The following ANO1 variants were observed in gnomAD, a reference collection of about 807,000 sequenced individuals.
ANO1 encodes anoctamin 1.
Under a neutral mutation model 124.0 loss-of-function variants are expected in ANO1, and 59 were observed. The observed-to-expected ratio is 0.48, with a 90% confidence interval of 0.39 to 0.59. ANO1 has a LOEUF of 0.59. Among genes scored for constraint, ANO1 ranks in the 20% least tolerant of loss-of-function variants. The probability of loss-of-function intolerance (pLI) is 0.00; values close to 1 mark genes in which losing one functional copy is unlikely to be tolerated. For missense variants in ANO1, 1,059 were observed against 1,328.0 expected, an observed-to-expected ratio of 0.80 and a Z score of 3.15; for synonymous variants, 529 against 532.0, an observed-to-expected ratio of 0.99 and a Z score of 0.08.
intron 24 of ANO1, among the ~76,000 whole-genome samples, chr11:70,183,006 G>A (rs1392660176): frequency 1.3e-5 from 2 of 152,150 alleles, no homozygotes; most frequent in Admixed American, 6.6e-5. Context: ...CTACTCGGGA[G>A]GCTGAGGTGG....
chr11:69,978,639 C>T, the ANO1 span, among the ~76,000 whole-genome samples: 1 of 152,168 alleles, frequency 6.6e-6, no homozygotes, highest in South Asian at 2.1e-4. Context: ...GTGTAAGCTA[C>T]CGCACCCTGC....
intron 2 of ANO1, among the ~76,000 whole-genome samples, chr11:70,099,163 G>A (rs1252171258): frequency 2.6e-5 from 4 of 152,260 alleles, no homozygotes; most frequent in Admixed American, 2.0e-4. Context: ...GCCAAGAGTC[G>A]GGGCAGAATG....
chr11:70,182,837 A>G (rs1434849187), intron 24 of ANO1, among the ~76,000 whole-genome samples, 151 bp downstream of exon 24: 1 of 151,984 alleles, frequency 6.6e-6, no homozygotes, highest in Non-Finnish European at 1.5e-5. Flanking sequence ...AGGCTGGTGC[A>G]GTGGCTCACA....
intron 1 of ANO1, among the ~76,000 whole-genome samples, chr11:70,046,912 A>G (rs1334318314): frequency 1.3e-5 from 2 of 151,922 alleles, no homozygotes; most frequent in African/African-American, 4.8e-5. Flanking sequence ...TGTCTCTACT[A>G]AAAATACAAA....
chr11:70,081,426 C>T (rs1193327397), intron 1 of ANO1, among the ~76,000 whole-genome samples: 1 of 152,154 alleles, frequency 6.6e-6, no homozygotes, highest in Non-Finnish European at 1.5e-5. Flanking sequence ...GAACGTGCCC[C>T]ATAATCGTAC....
At chr11:70,012,237 C>CA (rs1314368143) in intron 1 of ANO1, among the ~76,000 whole-genome samples, 36 of 147,190 alleles carry the variant, frequency 2.4e-4, no homozygotes, top group Admixed American at 2.7e-4. Flanking sequence ...TATTCATTCA[C>CA]ACATTCATCC....
At chr11:69,973,199 G>A in the ANO1 span, among the ~76,000 whole-genome samples, 3 of 152,034 alleles carry the variant, frequency 2.0e-5, no homozygotes, top group African/African-American at 4.8e-5. Flanking sequence ...GTGAGCCACC[G>A]CGCCCAGCTC....
chr11:70,161,222 C>CT lies in ANO1; in HGVS notation c.1640_1641insT (p.Ala549GlyfsTer55). ...ATCTACAGAATCTCCATGGCCGCCGCCTTGGCCATGAACTCCTCCCCCTCC... is the reference window on the plus strand; with the variant it reads ...ATCTACAGAATCTCCATGGCCGCCGCTCTTGGCCATGAACTCCTCCCCCTCC... On this transcript the variant is annotated frameshift_variant, in exon 17 of 26. Transcript: ENST00000355303. LOFTEE classifies it high-confidence loss of function. The CT allele has an allele frequency of 6.2e-7, 1 of 1,613,964 alleles. No homozygotes were observed. Among genetic ancestry groups the CT allele is most frequent in the Non-Finnish European group, 8.5e-7 (1 of 1,179,840 alleles).
chr11:69,966,317 C>T, the ANO1 span, among the ~76,000 whole-genome samples: 1 of 152,312 alleles, frequency 6.6e-6, no homozygotes, highest in South Asian at 2.1e-4. Flanking sequence ...GAGGCCCTGC[C>T]CTCAGGGGTC....
chr11:69,995,245 G>A (rs1288872735), intron 1 of ANO1, among the ~76,000 whole-genome samples: 1 of 151,828 alleles, frequency 6.6e-6, no homozygotes, highest in African/African-American at 2.4e-5. Flanking sequence ...GACTACAGGC[G>A]CGTGCCACCA....
chr11:70,141,067 G>C (rs138349589), intron 11 of ANO1, among the ~76,000 whole-genome samples: 1 of 152,160 alleles, frequency 6.6e-6, no homozygotes, highest in African/African-American at 2.4e-5. Context: ...TGCGCACCCC[G>C]GCCCATCTGC....
intron 10 of ANO1, among the ~76,000 whole-genome samples, chr11:70,127,933 A>G (rs2046588191): frequency 1.3e-5 from 2 of 152,224 alleles, no homozygotes; most frequent in Admixed American, 1.3e-4. Context: ...CAAGGGCTCC[A>G]AGTCTCAGAA....
chr11:70,101,762 G>A (rs1052654801), intron 2 of ANO1, among the ~76,000 whole-genome samples: 1 of 151,932 alleles, frequency 6.6e-6, no homozygotes, highest in East Asian at 1.9e-4. Flanking sequence ...ATGAGGTCCC[G>A]GCCGGCACTC....
intron 1 of ANO1, among the ~76,000 whole-genome samples, chr11:70,005,830 G>T (rs957327834): frequency 6.6e-6 from 1 of 152,176 alleles, no homozygotes; most frequent in South Asian, 2.1e-4. Context: ...GCAGACGTCT[G>T]TCCTGTCTGG....
chr11:70,014,017 G>GAA (rs782121382), intron 1 of ANO1, among the ~76,000 whole-genome samples: 10 of 151,564 alleles, frequency 6.6e-5, no homozygotes, highest in Non-Finnish European at 1.2e-4. Flanking sequence ...GAGAGAGAGA[G>GAA]AGATCTCTGG....
At chr11:70,130,760 A>G (rs2186794) in intron 10 of ANO1, among the ~76,000 whole-genome samples, 84,999 of 152,046 alleles carry the variant, frequency 0.56, 23,927 homozygotes, top group Non-Finnish European at 0.59. Context: ...GGGACCCATC[A>G]TCCCTGGCAG....
At chr11:70,171,978 G>T (rs1380452239) in intron 22 of ANO1, among the ~76,000 whole-genome samples, 3 of 152,000 alleles carry the variant, frequency 2.0e-5, no homozygotes, top group Non-Finnish European at 4.4e-5. Context: ...AATTTAGCTG[G>T]ATGTGGTGGC....
chr11:70,084,385 C>G (rs1035276308), intron 1 of ANO1, among the ~76,000 whole-genome samples: 1 of 152,204 alleles, frequency 6.6e-6, no homozygotes, highest in African/African-American at 2.4e-5. Flanking sequence ...GGGTGGCCAT[C>G]AGGGTGACGG....
At chr11:70,151,805 G>A (rs2047612588) in intron 12 of ANO1, among the ~76,000 whole-genome samples, 1 of 152,192 alleles carries the variant, frequency 6.6e-6, no homozygotes, top group Non-Finnish European at 1.5e-5. Flanking sequence ...TAATGAAGCA[G>A]AAGGACACTT....
Sources: gnomAD v4.1 joint callset for allele counts (sites outside exome capture counted in the v4.1 genomes callset) on GRCh38, gnomAD v4.1.1 for gene constraint, MANE v1.5 for transcripts, NCBI Gene and HGNC (gene_info 2026-07-23, HGNC 2026-07-21) for gene names.